The following UNC13C variants were observed in gnomAD, a reference collection of about 807,000 sequenced individuals.
UNC13C encodes unc-13 homolog C.
UNC13C carries 174 observed loss-of-function variants against 245.4 expected under a neutral mutation model. That is an observed-to-expected ratio of 0.71 (90% CI 0.63 to 0.80). UNC13C has a LOEUF of 0.80. Among genes scored for constraint, UNC13C ranks in the 30% least tolerant of loss-of-function variants. The probability of loss-of-function intolerance (pLI) is 0.00; values close to 1 mark genes in which losing one functional copy is unlikely to be tolerated. For missense variants in UNC13C, 2,829 were observed against 2,602.9 expected (o/e 1.09, Z -1.89); for synonymous variants, 992 against 895.1 (o/e 1.11, Z -1.93).
chr15:54,385,214 A>T (rs2039811316), intron 17 of UNC13C, among the ~76,000 whole-genome samples: 2 of 152,120 alleles, frequency 1.3e-5, no homozygotes, highest in Non-Finnish European at 2.9e-5. Flanking sequence ...GCCCATGGTG[A>T]ACGATGCCCA....
chr15:53,936,097 T>G, the UNC13C span, among the ~76,000 whole-genome samples: 2 of 152,156 alleles, frequency 1.3e-5, no homozygotes, highest in Non-Finnish European at 2.9e-5. Context: ...TCCAGCTGTT[T>G]AGGAGCAGCA....
the UNC13C span, among the ~76,000 whole-genome samples, chr15:53,929,972 A>G: frequency 6.6e-6 from 1 of 152,200 alleles, no homozygotes; most frequent in Non-Finnish European, 1.5e-5. Context: ...TACTCATAAC[A>G]AAGGCTGAAA....
intron 30 of UNC13C, among the ~76,000 whole-genome samples, chr15:54,586,230 C>G (rs72740021): frequency 0.014 from 2,133 of 152,266 alleles, 19 homozygotes; most frequent in Non-Finnish European, 0.023. Context: ...ATGTTTCTTT[C>G]CTTACTTTTA....
chr15:54,034,489 G>C lies in UNC13C; in HGVS notation c.2983+18603G>C, dbSNP rs532452082. On this transcript the variant is annotated intron_variant, in intron 2 of 32. Transcript: ENST00000260323. ...TAACTCTGTTTTCTTCAGGCACCTA[G>C]GTTAATACAAGATGGGAAATATAAT... 2.6e-5 allele frequency among the ~76,000 whole-genome samples: 4 copies of C among 152,206 alleles called. No homozygotes were observed. The East Asian group carries it at 7.7e-4, about 29-fold the overall frequency.
At chr15:54,066,859 T>A (rs145130972) in intron 2 of UNC13C, among the ~76,000 whole-genome samples, 1 of 152,254 alleles carries the variant, frequency 6.6e-6, no homozygotes, top group East Asian at 1.9e-4. Flanking sequence ...CAAAGTCTTG[T>A]CCCACAGAAA....
At chr15:53,887,004 T>G in the UNC13C span, among the ~76,000 whole-genome samples, 1 of 152,154 alleles carries the variant, frequency 6.6e-6, no homozygotes, top group African/African-American at 2.4e-5. Flanking sequence ...CATGGAATTA[T>G]GACAACTAAA....
At chr15:54,368,899 G>T (rs545794018) in intron 17 of UNC13C, among the ~76,000 whole-genome samples, 1 of 152,048 alleles carries the variant, frequency 6.6e-6, no homozygotes, top group Non-Finnish European at 1.5e-5. Context: ...TTAAAGCTGA[G>T]GAGTCTATTT....
At chr15:54,128,781 C>G (rs1438904584) in intron 2 of UNC13C, among the ~76,000 whole-genome samples, 1 of 152,130 alleles carries the variant, frequency 6.6e-6, no homozygotes, top group Non-Finnish European at 1.5e-5. Flanking sequence ...GTTGAGACTT[C>G]CCACTGAGTC....
chr15:54,603,682 T>C (rs1306408851), intron 30 of UNC13C, among the ~76,000 whole-genome samples: 3 of 152,044 alleles, frequency 2.0e-5, no homozygotes, highest in African/African-American at 4.8e-5. Context: ...GGCAACATGG[T>C]GAAACCCCCA....
intron 8 of UNC13C, among the ~76,000 whole-genome samples, chr15:54,252,820 T>A (rs955125618): frequency 6.6e-6 from 1 of 152,266 alleles, no homozygotes; most frequent in East Asian, 1.9e-4. Flanking sequence ...AAAATGGCCA[T>A]TCAATCTCGT....
chr15:54,364,747 A>G (rs762697651), intron 17 of UNC13C, among the ~76,000 whole-genome samples: 15 of 152,192 alleles, frequency 9.9e-5, no homozygotes, highest in Non-Finnish European at 1.9e-4. Flanking sequence ...AAATGACTTA[A>G]TGAACCTTAT....
At chr15:54,552,880 ATTCTATATTACTATATATATAT>A (rs1365604488) in intron 28 of UNC13C, among the ~76,000 whole-genome samples, 204 of 1,058 alleles carry the variant, frequency 0.19, 16 homozygotes, top group Non-Finnish European at 0.24. Flanking sequence ...TATATATTGT[ATTCTATATTACTATATATATAT>A]TAATATATAA....
intron 7 of UNC13C, among the ~76,000 whole-genome samples, chr15:54,249,778 C>T (rs918160424): frequency 6.6e-6 from 1 of 152,128 alleles, no homozygotes; most frequent in Non-Finnish European, 1.5e-5. Flanking sequence ...GTACTGAAAG[C>T]AAATTTCCTG....
the UNC13C span, among the ~76,000 whole-genome samples, chr15:53,896,916 C>A: frequency 2.0e-5 from 3 of 152,134 alleles, no homozygotes; most frequent in East Asian, 5.8e-4. Flanking sequence ...GATGACCTAC[C>A]TCCTAACTTT....
At chr15:54,037,751 C>A (rs1287536590) in intron 2 of UNC13C, among the ~76,000 whole-genome samples, 1 of 152,000 alleles carries the variant, frequency 6.6e-6, no homozygotes, top group African/African-American at 2.4e-5. Flanking sequence ...ATTCACTTTG[C>A]ACTTAGGGAC....
the UNC13C span, among the ~76,000 whole-genome samples, chr15:53,854,410 T>A: frequency 2.0e-5 from 3 of 152,030 alleles, no homozygotes; most frequent in Non-Finnish European, 4.4e-5. Context: ...TGAGCCACCA[T>A]GCCTGGCCAA....
rs1289990248 is a variant in UNC13C, at chr15:54,253,114, A to T, written c.3448+2670A>T. ...CTATCAACACACACATGCTAAAAGAAATTAAATTCTCTACATGTGGTCTGA... is the reference window on the plus strand; with the variant it reads ...CTATCAACACACACATGCTAAAAGATATTAAATTCTCTACATGTGGTCTGA... On this transcript the variant is annotated intron_variant, in intron 8 of 32. Transcript: ENST00000260323. Among the ~76,000 whole-genome samples, 4 of 152,220 alleles carry T rather than the reference A, an allele frequency of 2.6e-5. No individual in the cohort carries two copies. In the East Asian group the frequency reaches 7.7e-4, roughly 29 times the overall value.
At chr15:54,526,784 G>A (rs1247948310) in intron 25 of UNC13C, among the ~76,000 whole-genome samples, 1 of 151,220 alleles carries the variant, frequency 6.6e-6, no homozygotes, top group Non-Finnish European at 1.5e-5. Flanking sequence ...CTTCAGGTAG[G>A]GACTATCTCT....
chr15:53,887,467 T>A, the UNC13C span, among the ~76,000 whole-genome samples: 1 of 152,208 alleles, frequency 6.6e-6, no homozygotes, highest in Non-Finnish European at 1.5e-5. Context: ...TCCTCTTTTT[T>A]AGATATACAT....
Sources: allele counts gnomAD v4.1 joint callset (sites outside exome capture counted in the v4.1 genomes callset), GRCh38; gene constraint gnomAD v4.1.1; transcripts MANE v1.5; gene names NCBI Gene and HGNC (gene_info 2026-07-23, HGNC 2026-07-21).